The following UNC13C variants were observed in gnomAD, a reference collection of about 807,000 sequenced individuals.
UNC13C encodes protein unc-13 homolog C.
A neutral mutation model predicts 245.4 loss-of-function variants in UNC13C; 174 were observed. The observed-to-expected ratio is 0.71, with a 90% CI of 0.63 to 0.80. UNC13C has a LOEUF of 0.80. Ranked by LOEUF, UNC13C falls within the 30% of genes least tolerant of loss-of-function variation. UNC13C has a pLI of 0.00. For missense variants in UNC13C, 2,829 were observed against 2,602.9 expected (o/e 1.09, Z -1.89); for synonymous variants, 992 against 895.1 (o/e 1.11, Z -1.93).
the UNC13C span, among the ~76,000 whole-genome samples, chr15:53,859,682 C>T: frequency 6.6e-6 from 1 of 152,204 alleles, no homozygotes; most frequent in Non-Finnish European, 1.5e-5. Flanking sequence ...TATGAACTTC[C>T]AACCCCGTAT....
chr15:54,040,322 G>A (rs946124196), intron 2 of UNC13C, among the ~76,000 whole-genome samples: 3 of 152,136 alleles, frequency 2.0e-5, no homozygotes, highest in Admixed American at 6.5e-5. Flanking sequence ...GTAGGCAGGT[G>A]GGTCCAATCC....
intron 30 of UNC13C, among the ~76,000 whole-genome samples, chr15:54,585,578 A>G (rs8039286): frequency 6.6e-6 from 1 of 152,278 alleles, no homozygotes; most frequent in South Asian, 2.1e-4. Context: ...AGATGCTTAT[A>G]TATTGCCTGT....
At chr15:54,620,302 C>A (rs2553225) in intron 30 of UNC13C, among the ~76,000 whole-genome samples, 117,518 of 152,064 alleles carry the variant, frequency 0.77, 46,271 homozygotes, top group African/African-American at 0.94. Context: ...GGAAGACCGC[C>A]GACAAGCAAT....
chr15:53,917,537 G>A, the UNC13C span, among the ~76,000 whole-genome samples: 2 of 152,286 alleles, frequency 1.3e-5, no homozygotes, highest in East Asian at 3.9e-4. Context: ...GGAGATCCAG[G>A]GAAATGAGCA....
At chr15:54,215,179 G>T (rs2035003036) in intron 4 of UNC13C, among the ~76,000 whole-genome samples, 1 of 138,104 alleles carries the variant, frequency 7.2e-6, no homozygotes, top group Non-Finnish European at 1.6e-5. Context: ...TTGTAATTGA[G>T]TTGTTAAAAG....
intron 19 of UNC13C, among the ~76,000 whole-genome samples, chr15:54,417,283 C>T (rs887799422): frequency 2.6e-5 from 4 of 152,088 alleles, no homozygotes; most frequent in African/African-American, 7.2e-5. Context: ...GTGGCAAGGG[C>T]AGTAGAGGAG....
At chr15:54,515,661 G>T (rs777409870) in intron 24 of UNC13C, among the ~76,000 whole-genome samples, 2 of 152,128 alleles carry the variant, frequency 1.3e-5, no homozygotes, top group African/African-American at 2.4e-5. Context: ...TTTTATTGGT[G>T]CAATCGTTTT....
intron 13 of UNC13C, among the ~76,000 whole-genome samples, chr15:54,310,738 T>TTATATATC (rs1403210342): frequency 1.6e-5 from 2 of 124,194 alleles, no homozygotes; most frequent in African/African-American, 5.7e-5. Flanking sequence ...CCGCCTCATT[T>TTATATATC]TATATATCTA....
At chr15:53,855,562 T>G in the UNC13C span, among the ~76,000 whole-genome samples, 3,220 of 152,292 alleles carry the variant, frequency 0.021, 60 homozygotes, top group East Asian at 0.08. Flanking sequence ...TCATATGGTT[T>G]TTTGTCTTTA....
intron 11 of UNC13C, among the ~76,000 whole-genome samples, chr15:54,296,505 A>G (rs2037439803): frequency 6.6e-6 from 1 of 151,546 alleles, no homozygotes; most frequent in African/African-American, 2.4e-5. Flanking sequence ...GGCGTGAGCC[A>G]TCGCGCCGGG....
intron 18 of UNC13C, among the ~76,000 whole-genome samples, chr15:54,407,077 T>C (rs1413625488): frequency 1.3e-5 from 2 of 152,166 alleles, no homozygotes; most frequent in African/African-American, 4.8e-5. Context: ...TATTAATGAA[T>C]TGAAACTATT....
intron 2 of UNC13C, among the ~76,000 whole-genome samples, chr15:54,060,162 C>A (rs1718450969): frequency 6.6e-6 from 1 of 152,136 alleles, no homozygotes. Context: ...AAAGAAACCA[C>A]CATCAGAGTG....
the UNC13C span, among the ~76,000 whole-genome samples, chr15:53,872,850 GCA>G: frequency 6.6e-6 from 1 of 152,112 alleles, no homozygotes; most frequent in Non-Finnish European, 1.5e-5. Context: ...GTTGTTGGGG[GCA>G]CACACATTAA....
intron 8 of UNC13C, among the ~76,000 whole-genome samples, chr15:54,260,416 G>C (rs904338692): frequency 6.6e-6 from 1 of 151,834 alleles, no homozygotes; most frequent in Non-Finnish European, 1.5e-5. Flanking sequence ...GGTGAGGTAG[G>C]TGACTTTAGA....
chr15:54,150,141 T>C (rs1362379419), intron 4 of UNC13C, among the ~76,000 whole-genome samples: 1 of 152,248 alleles, frequency 6.6e-6, no homozygotes, highest in African/African-American at 2.4e-5. Flanking sequence ...TTAGTGTTTC[T>C]ATTTTTTTGG....
chr15:53,969,304 G>T, the UNC13C span, among the ~76,000 whole-genome samples: 1 of 152,170 alleles, frequency 6.6e-6, no homozygotes, highest in Non-Finnish European at 1.5e-5. Context: ...AAGATGCTCA[G>T]GGTGGAGAGA....
At chr15:54,604,221 T>A (rs1420906262) in intron 30 of UNC13C, among the ~76,000 whole-genome samples, 1 of 152,206 alleles carries the variant, frequency 6.6e-6, no homozygotes, top group African/African-American at 2.4e-5. Context: ...GATGACACTG[T>A]CACATGTCAT....
At chr15:54,437,972 T>C (rs1205028763) in intron 19 of UNC13C, among the ~76,000 whole-genome samples, 3 of 151,958 alleles carry the variant, frequency 2.0e-5, no homozygotes, top group Non-Finnish European at 4.4e-5. Context: ...TCTTTGACTA[T>C]CTAAAACTCT....
chr15:53,892,681 G>C, the UNC13C span, among the ~76,000 whole-genome samples: 1 of 151,956 alleles, frequency 6.6e-6, no homozygotes, highest in Non-Finnish European at 1.5e-5. Flanking sequence ...AGATACTTCT[G>C]TATGCTTCAT....
Sources: gnomAD v4.1 joint callset for allele counts (sites outside exome capture counted in the v4.1 genomes callset) on GRCh38, gnomAD v4.1.1 for gene constraint, MANE v1.5 for transcripts, NCBI Gene and HGNC (gene_info 2026-07-23, HGNC 2026-07-21) for gene names.